The following ASTN2 variants were observed in gnomAD, a reference collection of about 807,000 sequenced individuals.
ASTN2 encodes the protein astrotactin-2.
Under a neutral mutation model 139.8 loss-of-function variants are expected in ASTN2, and 54 were observed. The observed-to-expected ratio is 0.39, with a 90% CI of 0.31 to 0.48. The LOEUF (loss-of-function observed/expected upper bound fraction) is 0.48. Among genes scored for constraint, ASTN2 ranks in the 20% least tolerant of loss-of-function variants. ASTN2 has a pLI of 0.95. For missense variants in ASTN2, 1,565 were observed against 1,725.1 expected, an observed-to-expected ratio of 0.91 and a Z score of 1.64; for synonymous variants, 756 against 719.5, an observed-to-expected ratio of 1.05 and a Z score of -0.81.
chr9:116,777,750 C>T (rs543350716), intron 13 of ASTN2, among the ~76,000 whole-genome samples: 1 of 152,296 alleles, frequency 6.6e-6, no homozygotes, highest in East Asian at 1.9e-4. Flanking sequence ...TATTAATGTG[C>T]AAATAACTCA....
At chr9:116,434,230 G>A (rs549114767) in intron 22 of ASTN2, among the ~76,000 whole-genome samples, 3 of 152,262 alleles carry the variant, frequency 2.0e-5, no homozygotes, top group South Asian at 2.1e-4. Flanking sequence ...TGCACAATCC[G>A]TCCTGATTTT....
intron 5 of ASTN2, among the ~76,000 whole-genome samples, chr9:117,078,518 G>T (rs1369274728): frequency 6.6e-6 from 1 of 152,176 alleles, no homozygotes; most frequent in Non-Finnish European, 1.5e-5. Context: ...CACCGAATTG[G>T]AGAATCAGGA....
intron 19 of ASTN2, among the ~76,000 whole-genome samples, chr9:116,521,894 C>T (rs916224540): frequency 2.0e-5 from 3 of 151,956 alleles, no homozygotes; most frequent in Non-Finnish European, 4.4e-5. Context: ...ATACAAATGG[C>T]CAACGAGCAT....
chr9:116,974,506 CTTTTTTTTT>C (rs3038410), intron 10 of ASTN2, among the ~76,000 whole-genome samples: 2 of 110,922 alleles, frequency 1.8e-5, no homozygotes, highest in African/African-American at 6.9e-5. Flanking sequence ...TTAGCCTGGA[CTTTTTTTTT>C]TTTTTTTTTT....
chr9:116,798,837 A>G (rs1359792366), intron 13 of ASTN2, among the ~76,000 whole-genome samples: 1 of 152,160 alleles, frequency 6.6e-6, no homozygotes, highest in Non-Finnish European at 1.5e-5. Flanking sequence ...CCTGCCATTC[A>G]GGGAGAGGCA....
rs1400577886 is a variant in ASTN2, at chr9:117,318,576, G to T, written c.443-27063C>A. Among the ~76,000 whole-genome samples, 3 of 152,132 alleles carry T rather than the reference G, an allele frequency of 2.0e-5. No individual in the cohort carries two copies. In the East Asian group the frequency reaches 5.8e-4, roughly 29 times the overall value. On this transcript the variant is annotated intron_variant, in intron 1 of 22. Coordinates refer to ENST00000313400, the MANE Select transcript of ASTN2 (RefSeq NM_001365068.1). ...TCAACATCGAGGTTAATTTAGTCAT[G>T]CTGTACACTCTGAAGAATAAGCCAC...
At chr9:116,725,716 C>T in intron 16 of ASTN2, 55 bp downstream of exon 16, 6 of 1,564,978 alleles carry the variant, frequency 3.8e-6, no homozygotes, top group Non-Finnish European at 4.3e-6. Flanking sequence ...CTCCCCAGAC[C>T]CCTTGCCTCT....
chr9:117,297,932 C>T (rs530484738), intron 1 of ASTN2, among the ~76,000 whole-genome samples: 8 of 152,160 alleles, frequency 5.3e-5, no homozygotes, highest in Admixed American at 1.3e-4. Flanking sequence ...TGAAACAAAT[C>T]ATATAAGTCA....
intron 3 of ASTN2, among the ~76,000 whole-genome samples, chr9:117,147,308 A>G (rs1830219661): frequency 6.6e-6 from 1 of 152,114 alleles, no homozygotes; most frequent in South Asian, 2.1e-4. Context: ...GGTTTGATGC[A>G]GGCCTGTAAT....
chr9:117,411,611 G>T (rs1452816052), intron 1 of ASTN2, among the ~76,000 whole-genome samples: 2 of 152,144 alleles, frequency 1.3e-5, no homozygotes, highest in African/African-American at 4.8e-5. Flanking sequence ...TCCCCCACTG[G>T]AGTTTGAATA....
At chr9:116,685,296 C>T (rs1185391109) in intron 16 of ASTN2, among the ~76,000 whole-genome samples, 1 of 152,202 alleles carries the variant, frequency 6.6e-6, no homozygotes, top group Admixed American at 6.5e-5. Flanking sequence ...GCTCCTGGCT[C>T]ACTGGCTTCC....
intron 4 of ASTN2, among the ~76,000 whole-genome samples, chr9:117,129,133 T>C (rs561405982): frequency 1.1e-3 from 161 of 152,334 alleles, no homozygotes; most frequent in Non-Finnish European, 2.0e-3. Context: ...ATTGTCATAA[T>C]TTTTGTAAAG....
chr9:116,945,092 A>G (rs1835354025), intron 10 of ASTN2, among the ~76,000 whole-genome samples: 2 of 152,208 alleles, frequency 1.3e-5, no homozygotes, highest in Non-Finnish European at 2.9e-5. Flanking sequence ...AGGTCTCAAG[A>G]AGGCAAAATA....
chr9:117,326,704 T>C (rs996426083), intron 1 of ASTN2, among the ~76,000 whole-genome samples: 1 of 152,098 alleles, frequency 6.6e-6, no homozygotes, highest in Non-Finnish European at 1.5e-5. Flanking sequence ...AGGAAACTGA[T>C]ATGTGGAAAG....
Position 117,182,246 on chromosome 9 carries a change from A to T in ASTN2, c.1015+32112T>A, listed in dbSNP as rs10983561. On this transcript the variant is annotated intron_variant, in intron 3 of 22. Coordinates refer to ENST00000313400, the MANE Select transcript of ASTN2 (RefSeq NM_001365068.1). ...CTGCATGCCTTCCAAAAAAAAAAAA[A>T]TAATAAGATTTCACCCAAGTCCCAG... Among the ~76,000 whole-genome samples the T allele has an allele frequency of 7.3e-3, 1,067 of 147,160 alleles. 11 individuals are homozygous for T. The highest frequency in any genetic ancestry group is 0.019 in the African/African-American group (783 of 40,220).
At chr9:117,327,643 T>C (rs1225412909) in intron 1 of ASTN2, among the ~76,000 whole-genome samples, 1 of 151,994 alleles carries the variant, frequency 6.6e-6, no homozygotes, top group African/African-American at 2.4e-5. Flanking sequence ...CTGGGGAAGA[T>C]TCACCTGGCA....
intron 16 of ASTN2, chr9:116,700,077 A>C (rs1254132658): frequency 6.3e-6 from 2 of 315,202 alleles, no homozygotes; most frequent in African/African-American, 4.4e-5. Context: ...GATGCCCTTG[A>C]TCCATTGTTT....
At chr9:117,041,170 T>C (rs749026912) in intron 5 of ASTN2, among the ~76,000 whole-genome samples, 21 of 152,154 alleles carry the variant, frequency 1.4e-4, no homozygotes, top group Non-Finnish European at 2.4e-4. Context: ...ATGGAGGCTG[T>C]CTTGAGTCCC....
intron 3 of ASTN2, among the ~76,000 whole-genome samples, chr9:117,205,752 G>A (rs1241050294): frequency 6.6e-6 from 1 of 152,080 alleles, no homozygotes; most frequent in Admixed American, 6.6e-5. Context: ...AGTAGCGGTC[G>A]GTGTCTGAAC....
Sources: allele counts gnomAD v4.1 joint callset (sites outside exome capture counted in the v4.1 genomes callset), GRCh38; gene constraint gnomAD v4.1.1; transcripts MANE v1.5; gene names NCBI Gene and HGNC (gene_info 2026-07-23, HGNC 2026-07-21).